CSMD3: variants seen among roughly 807,000 people sequenced by gnomAD.
The protein encoded by CSMD3 is CUB and Sushi multiple domains 3.
CSMD3 carries 177 observed loss-of-function variants against 435.2 expected under a neutral mutation model. That is an observed-to-expected ratio of 0.41 (90% CI 0.36 to 0.46). The LOEUF is 0.46. Ranked by LOEUF, CSMD3 falls within the 20% of genes least tolerant of loss-of-function variation. The pLI is 0.34. For synonymous variants in CSMD3, 1,656 were observed against 1,520.5 expected, an observed-to-expected ratio of 1.09 and a Z score of -2.07; for missense variants, 4,265 against 4,504.6, an observed-to-expected ratio of 0.95 and a Z score of 1.52.
rs534098778 is a variant in CSMD3, at chr8:112,932,378, GC to G, written c.1509-10628del. ...CACAAATTTTTATGCATATGTGCAA[GC>G]TAAAAATGTTCATCTCATAGACATA... On this transcript the variant is annotated intron_variant, in intron 9 of 70. Coordinates refer to ENST00000297405, the MANE Select transcript of CSMD3 (RefSeq NM_198123.2). Among the ~76,000 whole-genome samples the G allele has an allele frequency of 2.5e-3, 387 of 152,334 alleles. 2 individuals carry two copies. The highest frequency in any genetic ancestry group is 4.4e-3 in the Non-Finnish European group (296 of 68,038).
intron 13 of CSMD3, among the ~76,000 whole-genome samples, chr8:112,709,944 T>C (rs2131913152): frequency 6.6e-6 from 1 of 152,206 alleles, no homozygotes; most frequent in South Asian, 2.1e-4. Context: ...CTTTTGCAAG[T>C]ATATGTAATT....
At chr8:112,760,650 T>G (rs1292301068) in intron 13 of CSMD3, among the ~76,000 whole-genome samples, 4 of 152,192 alleles carry the variant, frequency 2.6e-5, no homozygotes, top group Admixed American at 2.6e-4. Context: ...AAAAATATTC[T>G]TATCATCACA....
At chr8:112,783,188 G>T (rs1007933003) in intron 13 of CSMD3, among the ~76,000 whole-genome samples, 4 of 151,678 alleles carry the variant, frequency 2.6e-5, no homozygotes, top group Non-Finnish European at 4.4e-5. Flanking sequence ...TTTAAAATGT[G>T]GGGGATAAAG....
chr8:113,095,779 A>C (rs1462767802), intron 5 of CSMD3, among the ~76,000 whole-genome samples: 1 of 152,218 alleles, frequency 6.6e-6, no homozygotes, highest in East Asian at 1.9e-4. Flanking sequence ...GATTATTTAA[A>C]GTATATGGAA....
At chr8:113,323,777 C>T (rs1306561780) in intron 1 of CSMD3, among the ~76,000 whole-genome samples, 1 of 152,100 alleles carries the variant, frequency 6.6e-6, no homozygotes, top group African/African-American at 2.4e-5. Context: ...AATTTAATTT[C>T]TATTGAATGC....
At chr8:112,999,040 C>A (rs943758058) in intron 6 of CSMD3, among the ~76,000 whole-genome samples, 7 of 151,810 alleles carry the variant, frequency 4.6e-5, no homozygotes, top group African/African-American at 1.7e-4. Context: ...ACTAGTACAC[C>A]ATTCTATCTC....
chr8:112,469,155 C>T (rs1296111732), intron 32 of CSMD3, among the ~76,000 whole-genome samples: 3 of 114,604 alleles, frequency 2.6e-5, no homozygotes, highest in Admixed American at 9.1e-5. Flanking sequence ...TAATTCTACA[C>T]CAGGCAAAAA....
At chr8:112,858,595 G>A (rs2080733815) in intron 11 of CSMD3, among the ~76,000 whole-genome samples, 1 of 151,806 alleles carries the variant, frequency 6.6e-6, no homozygotes, top group Non-Finnish European at 1.5e-5. Flanking sequence ...AATTTTGCTT[G>A]AGGTATAGTG....
At chr8:112,713,523 C>T (rs1350375113) in intron 13 of CSMD3, among the ~76,000 whole-genome samples, 1 of 151,856 alleles carries the variant, frequency 6.6e-6, no homozygotes, top group African/African-American at 2.4e-5. Flanking sequence ...TCCAGGAGAA[C>T]TTCCCCATCC....
chr8:112,969,594 A>G (rs1164268168), intron 7 of CSMD3, among the ~76,000 whole-genome samples: 9 of 151,998 alleles, frequency 5.9e-5, no homozygotes, highest in Non-Finnish European at 1.3e-4. Context: ...AAACCTCATA[A>G]CATATATTTA....
intron 9 of CSMD3, among the ~76,000 whole-genome samples, chr8:112,927,388 G>A (rs1217420684): frequency 6.6e-6 from 1 of 152,146 alleles, no homozygotes; most frequent in Admixed American, 6.5e-5. Flanking sequence ...TGGAGCAAGT[G>A]AAGCTCCTTA....
In CSMD3 at chr8:113,020,489, C is replaced by T. The variant is rs577218827; in HGVS notation, c.918-1310G>A. Among the ~76,000 whole-genome samples, 170 of 152,152 alleles carry T rather than the reference C, an allele frequency of 1.1e-3. 1 individual carries two copies. Among genetic ancestry groups the T allele is most frequent in the African/African-American group, 4.0e-3 (167 of 41,532 alleles). ...AAATACTGCTGTATTATACTTCTAC[C>T]ATATATCTAACCATTTAAATTTTAA... On this transcript the variant is annotated intron_variant, in intron 5 of 70. Transcript: ENST00000297405.
chr8:113,424,133 C>G (rs2094622681), intron 1 of CSMD3, among the ~76,000 whole-genome samples: 1 of 151,622 alleles, frequency 6.6e-6, no homozygotes, highest in Non-Finnish European at 1.5e-5. Context: ...ATCAGAATAA[C>G]ATGAATCATC....
At chr8:112,369,242 A>G (rs932830832) in intron 38 of CSMD3, among the ~76,000 whole-genome samples, 20 of 152,086 alleles carry the variant, frequency 1.3e-4, no homozygotes, top group African/African-American at 4.8e-4. Flanking sequence ...AAAACATTTA[A>G]CGCAGCTATA....
At chr8:112,253,306 A>G (rs1815455243) in intron 63 of CSMD3, among the ~76,000 whole-genome samples, 1 of 151,988 alleles carries the variant, frequency 6.6e-6, no homozygotes, top group Admixed American at 6.6e-5. Context: ...AAACACCAAT[A>G]TAATGGAGAC....
chr8:112,598,423 T>G (rs77282010), intron 22 of CSMD3, among the ~76,000 whole-genome samples: 1 of 144,872 alleles, frequency 6.9e-6, no homozygotes, highest in Non-Finnish European at 1.5e-5. Context: ...GAATCAATAT[T>G]GTGAAAATGG....
chr8:113,085,574 G>A (rs542468169), intron 5 of CSMD3, among the ~76,000 whole-genome samples: 1 of 152,164 alleles, frequency 6.6e-6, no homozygotes, highest in Admixed American at 6.5e-5. Context: ...TGGTATATAT[G>A]CACAATGGAA....
At chr8:112,495,149 A>G (rs1002675428) in intron 30 of CSMD3, among the ~76,000 whole-genome samples, 6 of 152,242 alleles carry the variant, frequency 3.9e-5, no homozygotes, top group African/African-American at 1.2e-4. Context: ...TATAAAAAAT[A>G]AAACTTTACA....
chr8:112,830,310 T>C (rs533301258), intron 11 of CSMD3, among the ~76,000 whole-genome samples: 2 of 152,306 alleles, frequency 1.3e-5, no homozygotes, highest in Non-Finnish European at 2.9e-5. Context: ...TTTATTTTTA[T>C]GTATCGTTTG....
Sources: allele counts gnomAD v4.1 joint callset (sites outside exome capture counted in the v4.1 genomes callset), GRCh38; gene constraint gnomAD v4.1.1; transcripts MANE v1.5; gene names NCBI Gene and HGNC (gene_info 2026-07-23, HGNC 2026-07-21).